Variants in UBE2E2 observed in about 807,000 individuals in gnomAD.
UBE2E2 encodes ubiquitin-conjugating enzyme E2 E2.
A neutral mutation model predicts 24.7 loss-of-function variants in UBE2E2; 6 were observed. The observed-to-expected ratio is 0.24, with a 90% CI of 0.13 to 0.48. The LOEUF is 0.48. UBE2E2 is among the 20% of genes least tolerant of loss of function. The pLI is 0.99. For missense variants in UBE2E2, 169 were observed against 245.0 expected (o/e 0.69, Z 2.07); for synonymous variants, 104 against 83.6 (o/e 1.24, Z -1.33).
At chr3:23,444,760 G>A (rs1214906609) in intron 3 of UBE2E2, among the ~76,000 whole-genome samples, 5 of 152,210 alleles carry the variant, frequency 3.3e-5, no homozygotes, top group African/African-American at 4.8e-5. Flanking sequence ...TGGAGTGTAC[G>A]GTAAAGCAAA....
chr3:23,379,139 A>G (rs1346345816), intron 3 of UBE2E2, among the ~76,000 whole-genome samples: 2 of 152,204 alleles, frequency 1.3e-5, no homozygotes, highest in African/African-American at 4.8e-5. Flanking sequence ...AAGTACTGAA[A>G]AATTTAAAAT....
intron 5 of UBE2E2, among the ~76,000 whole-genome samples, chr3:23,584,192 G>A (rs188754913): frequency 2.2e-4 from 33 of 152,228 alleles, no homozygotes; most frequent in African/African-American, 3.4e-4. Flanking sequence ...TTTTGTTTGC[G>A]TTGTTTATGC....
intron 3 of UBE2E2, among the ~76,000 whole-genome samples, chr3:23,413,052 G>A: frequency 6.8e-6 from 1 of 146,350 alleles, no homozygotes; most frequent in South Asian, 2.3e-4. Flanking sequence ...GTTTTGGGGT[G>A]GGGGGAGGGG....
intron 3 of UBE2E2, among the ~76,000 whole-genome samples, chr3:23,424,455 G>C (rs1165850984): frequency 7.0e-6 from 1 of 142,842 alleles, no homozygotes; most frequent in East Asian, 2.1e-4. Flanking sequence ...TTTTTTTTCT[G>C]TATTTGCTTT....
At chr3:23,276,724 A>G (rs1235800478) in intron 3 of UBE2E2, among the ~76,000 whole-genome samples, 1 of 152,096 alleles carries the variant, frequency 6.6e-6, no homozygotes, top group Non-Finnish European at 1.5e-5. Flanking sequence ...TATAAAAAAT[A>G]AAATAGAAAG....
intron 3 of UBE2E2, among the ~76,000 whole-genome samples, chr3:23,228,069 A>C (rs1696873284): frequency 6.6e-6 from 1 of 152,200 alleles, no homozygotes. Flanking sequence ...AAACTGTATT[A>C]AGGGAAGACA....
intron 3 of UBE2E2, among the ~76,000 whole-genome samples, chr3:23,494,025 A>AT (rs1196893255): frequency 6.6e-6 from 1 of 152,192 alleles, no homozygotes; most frequent in Non-Finnish European, 1.5e-5. Context: ...AAAATTACAC[A>AT]TTTACCCAGG....
chr3:23,300,239 T>C (rs1400752588), intron 3 of UBE2E2, among the ~76,000 whole-genome samples: 3 of 152,094 alleles, frequency 2.0e-5, no homozygotes, highest in Non-Finnish European at 2.9e-5. Context: ...CTTTATCCAA[T>C]TTGCCAGTCT....
chr3:23,507,584 C>T (rs2133331), intron 4 of UBE2E2, among the ~76,000 whole-genome samples: 79,592 of 152,044 alleles, frequency 0.52, 21,279 homozygotes, highest in East Asian at 0.74. Flanking sequence ...GGAGGTTAAG[C>T]TGCGCACAGG....
intron 2 of UBE2E2, among the ~76,000 whole-genome samples, chr3:23,211,598 G>T (rs1183607034): frequency 6.6e-6 from 1 of 151,938 alleles, no homozygotes; most frequent in Non-Finnish European, 1.5e-5. Flanking sequence ...GTCTCACTAT[G>T]TTGCTCAGGC....
At chr3:23,580,040 A>G (rs1378896476) in intron 5 of UBE2E2, among the ~76,000 whole-genome samples, 3 of 152,238 alleles carry the variant, frequency 2.0e-5, no homozygotes, top group African/African-American at 4.8e-5. Flanking sequence ...ACAAACTTGA[A>G]CAGATGAAGA....
intron 3 of UBE2E2, among the ~76,000 whole-genome samples, chr3:23,246,236 T>TTTTTTTTTTG (rs1425260100): frequency 7.0e-6 from 1 of 143,434 alleles, no homozygotes; most frequent in African/African-American, 2.6e-5. Flanking sequence ...TTTTTTTTTT[T>TTTTTTTTTTG]TCGAGATGGA....
chr3:23,430,514 C>T (rs1240192206), intron 3 of UBE2E2, among the ~76,000 whole-genome samples: 6 of 150,998 alleles, frequency 4.0e-5, no homozygotes, highest in Admixed American at 2.6e-4. Context: ...GGTTGTGTGG[C>T]GTTTTTTTTG....
intron 5 of UBE2E2, among the ~76,000 whole-genome samples, chr3:23,548,476 A>T (rs1237477050): frequency 6.6e-6 from 1 of 152,212 alleles, no homozygotes; most frequent in East Asian, 1.9e-4. Flanking sequence ...CTGGAAGCCT[A>T]ACCCTCTATG....
At chr3:23,581,174 G>C (rs895380711) in intron 5 of UBE2E2, among the ~76,000 whole-genome samples, 4 of 151,976 alleles carry the variant, frequency 2.6e-5, no homozygotes, top group Non-Finnish European at 5.9e-5. Context: ...GGACTCAAGG[G>C]ATCCTCCAGA....
At chr3:23,422,817 G>C (rs1342613409) in intron 3 of UBE2E2, among the ~76,000 whole-genome samples, 2 of 152,036 alleles carry the variant, frequency 1.3e-5, no homozygotes, top group Admixed American at 1.3e-4. Flanking sequence ...AATAGTGGAT[G>C]ATGAGTTGTC....
chr3:23,378,236 T>A (rs1174079172), intron 3 of UBE2E2, among the ~76,000 whole-genome samples: 12 of 118,058 alleles, frequency 1.0e-4, no homozygotes, highest in Non-Finnish European at 1.4e-4. Context: ...AAATAAGCAG[T>A]AAAAAAAAAA....
chr3:23,310,953 A>G (rs192966271), intron 3 of UBE2E2, among the ~76,000 whole-genome samples: 1 of 152,126 alleles, frequency 6.6e-6, no homozygotes, highest in East Asian at 1.9e-4. Flanking sequence ...GGTGTGCTGC[A>G]CCCATTAACT....
intron 3 of UBE2E2, among the ~76,000 whole-genome samples, chr3:23,498,116 A>G (rs1425091141): frequency 6.6e-6 from 1 of 151,778 alleles, no homozygotes; most frequent in Non-Finnish European, 1.5e-5. Flanking sequence ...CTTTTTTAAT[A>G]GAGTCTTTTT....
Sources: allele counts gnomAD v4.1 joint callset (sites outside exome capture counted in the v4.1 genomes callset), GRCh38; gene constraint gnomAD v4.1.1; transcripts MANE v1.5; gene names NCBI Gene and HGNC (gene_info 2026-07-23, HGNC 2026-07-21).